Variants in CPNE7 observed in about 807,000 individuals in gnomAD.
CPNE7 encodes copine-7.
CPNE7 carries 78 observed loss-of-function variants against 66.5 expected under a neutral mutation model. The observed-to-expected ratio is 1.17, with a 90% confidence interval of 0.98 to 1.42. CPNE7 has a LOEUF of 1.42. CPNE7 is among the 40% of genes most tolerant of loss of function. CPNE7 has a pLI of 0.00. For missense variants in CPNE7, 1,012 were observed against 776.6 expected (o/e 1.30, Z -3.60); for synonymous variants, 468 against 336.7 (o/e 1.39, Z -4.27).
intron 1 of CPNE7, among the ~76,000 whole-genome samples, chr16:89,576,981 C>T (rs913538427): frequency 6.6e-6 from 1 of 152,228 alleles, no homozygotes; most frequent in Non-Finnish European, 1.5e-5. Context: ...GGCCTCGTGC[C>T]CGCACCCTCA....
chr16:89,582,940 A>T (rs977867166), intron 2 of CPNE7, among the ~76,000 whole-genome samples: 2 of 152,226 alleles, frequency 1.3e-5, no homozygotes, highest in African/African-American at 4.8e-5. Flanking sequence ...CCTTTCGGAC[A>T]CGGAGCCTGG....
intron 9 of CPNE7, chr16:89,587,647 G>C (rs1464664698): frequency 1.1e-5 from 5 of 445,170 alleles, no homozygotes; most frequent in Non-Finnish European, 1.8e-5. Context: ...CACAGACCCC[G>C]TGTCACCCCC....
chr16:89,577,761 C>T lies in CPNE7; in HGVS notation c.357+40C>T, dbSNP rs770403197. 100 of 1,545,448 alleles carry T rather than the reference C, an allele frequency of 6.5e-5. No individual in the cohort carries two copies. In the South Asian group the frequency reaches 6.8e-4, roughly 10 times the overall value. ...CCCTCGGAGGGAGGAGGACGGTTGG[C>T]GTGGGGGCCACAGCCGATTCAAGGC... On this transcript the variant is annotated intron_variant, in intron 2 of 14. Transcript: ENST00000319518.
chr16:89,575,868 C>A lies in CPNE7; in HGVS notation c.-30C>A, dbSNP rs1274561330. Reference sequence around the variant, plus strand: ...ACTCGCGGGCAGCGGCCCCTCAGTGCGCCCAGCCGGGCCCCCGAACGCCGG... The same window carrying A: ...ACTCGCGGGCAGCGGCCCCTCAGTGAGCCCAGCCGGGCCCCCGAACGCCGG... On this transcript the variant is annotated 5_prime_UTR_variant, in exon 1 of 15. Coordinates refer to ENST00000319518, the MANE Select transcript of CPNE7 (RefSeq NM_153636.3). 1.7e-6 allele frequency: 2 copies of A among 1,192,120 alleles called. No individual in the cohort carries two copies. Among genetic ancestry groups the A allele is most frequent in the Non-Finnish European group, 2.1e-6 (2 of 962,640 alleles). 73.8% of individuals were successfully genotyped at this position (1,192,120 alleles called of 1,614,324 possible).
rs1180263415 is a variant in CPNE7 at position 89,596,743 on chromosome 16, C to T, written c.*122C>T. On this transcript the variant is annotated 3_prime_UTR_variant, in exon 15 of 15. Coordinates refer to ENST00000319518, the MANE Select transcript of CPNE7 (RefSeq NM_153636.3). Reference sequence around the variant, plus strand: ...CAGAAGCCTCCAGTCCCCACCAGGCCCCACTCCCAGTCCTCCTGGGATCCT... The same window carrying T: ...CAGAAGCCTCCAGTCCCCACCAGGCTCCACTCCCAGTCCTCCTGGGATCCT... The T allele has an allele frequency of 8.3e-7, 1 of 1,206,256 alleles. No homozygotes were observed. Among genetic ancestry groups the T allele is most frequent in the Non-Finnish European group, 1.1e-6 (1 of 923,842 alleles). The allele number at this position is 1,206,256 out of a possible 1,614,324, so 74.7% of individuals were successfully genotyped here.
intron 2 of CPNE7, 103 bp downstream of exon 2, chr16:89,577,824 C>G: frequency 8.9e-7 from 1 of 1,122,896 alleles, no homozygotes; most frequent in Non-Finnish European, 1.3e-6. Flanking sequence ...CTGGGGTGGC[C>G]AACCTGGCTC....
Position 89,575,907 on chromosome 16 carries a change from G to T in CPNE7, c.10G>T (p.Gly4Cys). The change falls in exon 1 of 15, where the codon GGC (glycine) becomes TGC (cysteine). Residue 4 changes from glycine (G) to cysteine (C), a missense_variant. Coordinates refer to ENST00000319518, the MANE Select transcript of CPNE7 (RefSeq NM_153636.3). The part of the protein sequence containing the change: MSA[G>C]SERGAAATPG... Reference sequence around the variant, plus strand: ...CCCGAACGCCGGGAGCATGAGCGCGGGCTCGGAGCGCGGGGCGGCGGCAAC... The same window carrying T: ...CCCGAACGCCGGGAGCATGAGCGCGTGCTCGGAGCGCGGGGCGGCGGCAAC... 8.1e-7 allele frequency: 1 copy of T among 1,240,628 alleles called. No homozygotes were observed. The highest frequency in any genetic ancestry group is 1.0e-6 in the Non-Finnish European group (1 of 991,172). The allele number at this position is 1,240,628 out of a possible 1,614,324, so 76.9% of individuals were successfully genotyped here.
chr16:89,584,653 T>C lies in CPNE7; in HGVS notation c.508-121T>C. On this transcript the variant is annotated intron_variant, in intron 4 of 14. Transcript: ENST00000319518. The surrounding 1 kb of genome is among the most constrained non-coding windows in gnomAD (Gnocchi z 6.0). ...GTCGGCGGGGACTGGCTGCCTCGTT[T>C]TGTGCCTGAGGAATTAGCGGCTGGT... is the stretch of plus-strand genomic sequence containing the variant. 1 of 736,582 alleles carries C rather than the reference T, an allele frequency of 1.4e-6. No individual in the cohort carries two copies. Among genetic ancestry groups the C allele is most frequent in the Non-Finnish European group, 2.3e-6 (1 of 428,012 alleles). The allele number at this position is 736,582 out of a possible 1,614,324, so 45.6% of individuals were successfully genotyped here. A position where few individuals can be genotyped will look rare whatever the true frequency, so the allele number is the denominator to read the frequency against.
intron 2 of CPNE7, among the ~76,000 whole-genome samples, chr16:89,578,110 G>C (rs984562521): frequency 2.7e-5 from 4 of 147,446 alleles, no homozygotes; most frequent in African/African-American, 7.5e-5. Context: ...TGTCACCCAG[G>C]CTGGAGTGCA....
chr16:89,578,948 G>T, intron 2 of CPNE7: 1 of 1,612,822 alleles, frequency 6.2e-7, no homozygotes. Context: ...TTCCTGTGCT[G>T]CACGGAATCC....
chr16:89,585,567 T>G lies in CPNE7; in HGVS notation c.681+14T>G. 1 of 1,600,686 alleles carries G rather than the reference T, an allele frequency of 6.2e-7. No homozygotes were observed. ...AGGCCTCTAAAGGTGGGGGACGGGA[T>G]GGACCAAGGGGGCAGTGAGGGGGTG... On this transcript the variant is annotated intron_variant, in intron 6 of 14. Coordinates refer to ENST00000319518, the MANE Select transcript of CPNE7 (RefSeq NM_153636.3).
chr16:89,581,283 C>G (rs2058954957), intron 2 of CPNE7, among the ~76,000 whole-genome samples: 1 of 146,284 alleles, frequency 6.8e-6, no homozygotes, highest in South Asian at 2.2e-4. Flanking sequence ...CATCCTGTCA[C>G]CAGTCACACA....
At chr16:89,578,526 G>A (rs1160448431) in intron 2 of CPNE7, among the ~76,000 whole-genome samples, 3 of 152,060 alleles carry the variant, frequency 2.0e-5, no homozygotes, top group Admixed American at 6.5e-5. Flanking sequence ...GTGGGAGGCC[G>A]AGGCGGGCAG....
intron 2 of CPNE7, among the ~76,000 whole-genome samples, chr16:89,583,267 G>A (rs455868): frequency 0.73 from 110,270 of 152,092 alleles, 40,872 homozygotes; most frequent in Middle Eastern, 0.88. Flanking sequence ...AGGGTCCGGG[G>A]CCGTTTGAGC....
At chr16:89,585,184 T>C (rs2059015563) in intron 5 of CPNE7, among the ~76,000 whole-genome samples, 1 of 152,028 alleles carries the variant, frequency 6.6e-6, no homozygotes, top group Admixed American at 6.5e-5. Context: ...TGAGTGAAAA[T>C]GAATCTATTT....
intron 1 of CPNE7, among the ~76,000 whole-genome samples, chr16:89,576,607 G>A (rs2058864068): frequency 1.3e-5 from 2 of 152,206 alleles, no homozygotes; most frequent in South Asian, 4.1e-4. Flanking sequence ...GGCGCCAGAC[G>A]GGCGCTTCCT....
In CPNE7 at chr16:89,595,620, G is replaced by A. The variant is rs778120881; in HGVS notation, c.1539+17G>A. On this transcript the variant is annotated intron_variant, in intron 14 of 14. Coordinates refer to ENST00000319518, the MANE Select transcript of CPNE7 (RefSeq NM_153636.3). ...CTCAAGAACGTGAGTGTCCTGGAGG[G>A]GCTCCGTCAAGGCCGGCTTGGGGGT... The A allele has an allele frequency of 1.3e-6, 2 of 1,589,264 alleles. No homozygotes were observed. Among genetic ancestry groups the A allele is most frequent in the African/African-American group, 1.3e-5 (1 of 74,464 alleles).
chr16:89,584,677 G>A lies in CPNE7; in HGVS notation c.508-97G>A. On this transcript the variant is annotated intron_variant, in intron 4 of 14. Transcript: ENST00000319518. This position sits in a 1 kb window ranked among gnomAD's most constrained non-coding sequence, Gnocchi z 6.0. The stretch of plus-strand genomic sequence containing the variant: ...TTTGTGCCTGAGGAATTAGCGGCTG[G>A]TGGCATGAAGTGAGCCCTGGGAAAC... 1 of 852,200 alleles carries A rather than the reference G, an allele frequency of 1.2e-6. No individual in the cohort carries two copies. The allele number at this position is 852,200 out of a possible 1,614,324, so 52.8% of individuals were successfully genotyped here.
rs781055945 is a variant in CPNE7 at position 89,595,369 on chromosome 16, A to G, written c.1305A>G (p.Gln435=). ...TGATGCCTTTCCTGTGCCCCCAGCA[A>G]TACTACATCCTGCTGATCCTGACGG... ...AAEESTGKAS[Q]YYILLILTDG... Residue 435 remains glutamine, a splice_region_variant and synonymous_variant, in exon 14 of 15, where the codon CAA becomes CAG. Transcript: ENST00000319518. 1 of 1,567,542 alleles carries G rather than the reference A, an allele frequency of 6.4e-7. No homozygotes were observed. The highest frequency in any genetic ancestry group is 1.2e-5 in the South Asian group (1 of 83,996).
Sources: allele counts gnomAD v4.1 joint callset (sites outside exome capture counted in the v4.1 genomes callset), GRCh38; gene constraint gnomAD v4.1.1; non-coding constraint Gnocchi (gnomAD v3.1); transcripts MANE v1.5; gene names NCBI Gene and HGNC (gene_info 2026-07-23, HGNC 2026-07-21).